PLCB1: variants seen among roughly 807,000 people sequenced by gnomAD.
PLCB1 encodes 1-phosphatidylinositol 4,5-bisphosphate phosphodiesterase beta-1.
Under a neutral mutation model 161.8 loss-of-function variants are expected in PLCB1, and 46 were observed. That is an observed-to-expected ratio of 0.28 (90% confidence interval 0.22 to 0.36). The LOEUF is 0.36. Among genes scored for constraint, PLCB1 ranks in the 10% least tolerant of loss-of-function variants. PLCB1 has a pLI of 1.00. For missense variants in PLCB1, 1,016 were observed against 1,472.5 expected (o/e 0.69, Z 5.07); for synonymous variants, 517 against 503.7 (o/e 1.03, Z -0.35).
intron 13 of PLCB1, among the ~76,000 whole-genome samples, chr20:8,717,372 T>A (rs919314803): frequency 6.6e-6 from 1 of 152,246 alleles, no homozygotes; most frequent in Non-Finnish European, 1.5e-5. Flanking sequence ...ATGATTGGGT[T>A]TCTATGTTCC....
Position 8,683,969 on chromosome 20 carries a change from C to T in PLCB1, c.863-963C>T, listed in dbSNP as rs1415289991. On this transcript the variant is annotated intron_variant, in intron 9 of 31. Transcript: ENST00000338037. ...TGCGATCTCAGCTCACTGCAAACTC[C>T]ACCTCCTGGGTTCAAACAATTCTCC... Among the ~76,000 whole-genome samples, 11 of 151,724 alleles carry T rather than the reference C, an allele frequency of 7.3e-5. No homozygotes were observed. The East Asian group carries it at 2.2e-3, about 30-fold the overall frequency.
chr20:8,706,985 G>C (rs1261780362), intron 11 of PLCB1, among the ~76,000 whole-genome samples: 1 of 152,194 alleles, frequency 6.6e-6, no homozygotes, highest in East Asian at 1.9e-4. Context: ...GGATTCAAAA[G>C]TCGGTTTGAA....
chr20:8,741,481 T>C lies in PLCB1; in HGVS notation c.2431T>C (p.Ser811Pro), dbSNP rs773635895. Residue 811 changes from serine (S) to proline (P), a missense_variant, in exon 23 of 32, where the codon TCA (serine) becomes CCA (proline). By Grantham distance (74) the Ser-to-Pro change is moderately conservative. Around this residue, in one of 10 missense-constraint regions of PLCB1, gnomAD observed 75 missense variants for 117.0 expected, o/e 0.64. Transcript: ENST00000338037. ...CTATTTAGATGTCATCGAAGCTTTA[T>C]CAAACCCAATCCGATATGTGAACCT... ...DTYADVIEALSNPIRYVNLME... is the reference protein window; with the variant it reads ...DTYADVIEALPNPIRYVNLME... 6.2e-7 allele frequency: 1 copy of C among 1,613,260 alleles called. No individual in the cohort carries two copies. The highest frequency in any genetic ancestry group is 8.5e-7 in the Non-Finnish European group (1 of 1,179,296).
intron 3 of PLCB1, among the ~76,000 whole-genome samples, chr20:8,561,247 C>T (rs1214693528): frequency 1.3e-5 from 2 of 151,870 alleles, no homozygotes; most frequent in Non-Finnish European, 2.9e-5. Flanking sequence ...ACTTTCTAGT[C>T]TAAAGGAATA....
intron 3 of PLCB1, among the ~76,000 whole-genome samples, chr20:8,419,833 G>A (rs562070762): frequency 2.6e-5 from 4 of 152,224 alleles, no homozygotes; most frequent in Admixed American, 6.6e-5. Flanking sequence ...TAACTTAAAT[G>A]TTTATACATC....
intron 12 of PLCB1, among the ~76,000 whole-genome samples, chr20:8,713,012 C>G (rs1246349621): frequency 2.6e-5 from 4 of 152,038 alleles, no homozygotes; most frequent in Non-Finnish European, 2.9e-5. Flanking sequence ...GTTTGTTTTC[C>G]TCTGACTTTT....
chr20:8,628,237 G>A (rs1248536945), intron 3 of PLCB1, 57 bp from the exon 4 acceptor site: 2 of 1,278,630 alleles, frequency 1.6e-6, no homozygotes, highest in Admixed American at 1.7e-5. Context: ...TTGAAGTTAT[G>A]CTATCACGTT....
At chr20:8,718,179 C>T (rs1425489632) in intron 14 of PLCB1, among the ~76,000 whole-genome samples, 1 of 152,012 alleles carries the variant, frequency 6.6e-6, no homozygotes, top group African/African-American at 2.4e-5. Context: ...AAGATCCAGC[C>T]ACTGCACTCC....
chr20:8,761,965 TG>T (rs1031079614), intron 25 of PLCB1, among the ~76,000 whole-genome samples: 38 of 131,648 alleles, frequency 2.9e-4, no homozygotes, highest in African/African-American at 9.8e-4. Flanking sequence ...TCCCAGTACC[TG>T]GGGAGGCCAA....
intron 25 of PLCB1, among the ~76,000 whole-genome samples, chr20:8,762,505 G>A (rs1322696292): frequency 6.6e-6 from 1 of 152,148 alleles, no homozygotes; most frequent in Non-Finnish European, 1.5e-5. Context: ...TCTAATCGTA[G>A]GTTAGAACAT....
chr20:8,704,964 A>G (rs1488762634), intron 11 of PLCB1, among the ~76,000 whole-genome samples: 1 of 143,190 alleles, frequency 7.0e-6, no homozygotes, highest in African/African-American at 2.6e-5. Flanking sequence ...TCAGGCAGAA[A>G]CAGCAAATTC....
At chr20:8,375,349 A>T (rs1349020673) in intron 3 of PLCB1, among the ~76,000 whole-genome samples, 3 of 152,134 alleles carry the variant, frequency 2.0e-5, no homozygotes, top group Non-Finnish European at 4.4e-5. Flanking sequence ...CTTTGCTTTT[A>T]AAAAAAGTGT....
intron 31 of PLCB1, among the ~76,000 whole-genome samples, chr20:8,811,814 C>T (rs1984835876): frequency 6.6e-6 from 1 of 151,696 alleles, no homozygotes; most frequent in African/African-American, 2.4e-5. Flanking sequence ...TCACATGTGC[C>T]TTTCTGTAAT....
At chr20:8,333,427 GTC>G (rs1985447622) in intron 2 of PLCB1, among the ~76,000 whole-genome samples, 1 of 152,186 alleles carries the variant, frequency 6.6e-6, no homozygotes, top group Non-Finnish European at 1.5e-5. Flanking sequence ...ACTTAGCAGT[GTC>G]TCCTGTTATG....
At chr20:8,844,839 G>A (rs368342611) in intron 31 of PLCB1, among the ~76,000 whole-genome samples, 6 of 152,032 alleles carry the variant, frequency 3.9e-5, no homozygotes, top group Non-Finnish European at 7.4e-5. Context: ...GGCCAGGCAC[G>A]GTGGCACACA....
chr20:8,620,605 T>G (rs979168023), intron 3 of PLCB1, among the ~76,000 whole-genome samples: 1 of 151,478 alleles, frequency 6.6e-6, no homozygotes. Flanking sequence ...CCAGGTCTGG[T>G]GGTGTGCACC....
intron 2 of PLCB1, among the ~76,000 whole-genome samples, chr20:8,209,271 G>T (rs1978694756): frequency 6.6e-6 from 1 of 151,812 alleles, no homozygotes; most frequent in Non-Finnish European, 1.5e-5. Context: ...GTCAACAATT[G>T]TAGAAAAACT....
intron 2 of PLCB1, among the ~76,000 whole-genome samples, chr20:8,244,695 A>G (rs1980790129): frequency 6.6e-6 from 1 of 151,860 alleles, no homozygotes; most frequent in Non-Finnish European, 1.5e-5. Context: ...AAGGTTAGAT[A>G]CTTCCCCATG....
At chr20:8,792,437 C>A in intron 31 of PLCB1, 1 of 388,252 alleles carries the variant, frequency 2.6e-6, no homozygotes, top group Non-Finnish European at 5.2e-6. Context: ...GGGGAAATAG[C>A]AACTGGGTAG....
Sources: gnomAD v4.1 joint callset for allele counts (sites outside exome capture counted in the v4.1 genomes callset) on GRCh38, gnomAD v4.1.1 for gene constraint, gnomAD v4.1.1 regional missense constraint, MANE v1.5 for transcripts, NCBI Gene and HGNC (gene_info 2026-07-23, HGNC 2026-07-21) for gene names.